Variants in PTPRC observed in about 807,000 individuals in gnomAD.
The protein encoded by PTPRC is receptor-type tyrosine-protein phosphatase C.
A neutral mutation model predicts 155.9 loss-of-function variants in PTPRC; 44 were observed. That is an observed-to-expected ratio of 0.28 (90% CI 0.22 to 0.36). The LOEUF (loss-of-function observed/expected upper bound fraction) is 0.36, where lower values mean the gene tolerates loss of function less well. Ranked by LOEUF, PTPRC falls within the 10% of genes least tolerant of loss-of-function variation. PTPRC has a pLI of 1.00. For missense variants in PTPRC, 1,401 were observed against 1,564.6 expected (o/e 0.90, Z 1.76); for synonymous variants, 525 against 533.1 (o/e 0.98, Z 0.21).
At chr1:198,643,202 G>T (rs1228120826) in intron 2 of PTPRC, among the ~76,000 whole-genome samples, 1 of 151,550 alleles carries the variant, frequency 6.6e-6, no homozygotes, top group Non-Finnish European at 1.5e-5. Context: ...TTGTGATGAT[G>T]ATTGATGATG....
At chr1:198,644,363 A>C (rs1411035939) in intron 2 of PTPRC, among the ~76,000 whole-genome samples, 2 of 151,906 alleles carry the variant, frequency 1.3e-5, no homozygotes, top group East Asian at 3.9e-4. Context: ...AAATATGGCA[A>C]GACTTTAGCA....
At chr1:198,685,307 C>T (rs1445011325) in intron 2 of PTPRC, among the ~76,000 whole-genome samples, 1 of 151,862 alleles carries the variant, frequency 6.6e-6, no homozygotes, top group Non-Finnish European at 1.5e-5. Context: ...TCTTTTAGGT[C>T]CCAGTTTCAT....
At position 198,669,375 on chromosome 1, in the gene PTPRC, T is replaced by C. The variant is rs552703356; in HGVS notation, c.74-22972T>C. 7.5e-4 allele frequency among the ~76,000 whole-genome samples: 115 copies of C among 152,336 alleles called. 1 individual carries two copies. The highest frequency in any genetic ancestry group is 2.7e-3 in the African/African-American group (111 of 41,586). ...AGGCACCCACCTGCACCCAATGTCC[T>C]CCTTTTATGCTTTCTGGCCTCCTTT... is the stretch of plus-strand genomic sequence containing the variant. On this transcript the variant is annotated intron_variant, in intron 2 of 32. Transcript: ENST00000442510.
chr1:198,697,807 G>T (rs563747256), intron 4 of PTPRC, among the ~76,000 whole-genome samples: 1 of 152,274 alleles, frequency 6.6e-6, no homozygotes, highest in East Asian at 1.9e-4. Context: ...CAGAAATTTT[G>T]TTTAGGGTAC....
At chr1:198,691,052 T>G (rs1207287547) in intron 2 of PTPRC, among the ~76,000 whole-genome samples, 1 of 152,086 alleles carries the variant, frequency 6.6e-6, no homozygotes, top group Non-Finnish European at 1.5e-5. Context: ...TGCTACAGTT[T>G]TCCTCTTACT....
intron 2 of PTPRC, among the ~76,000 whole-genome samples, chr1:198,642,899 T>TCTTC (rs776072910): frequency 0.21 from 22,568 of 105,212 alleles, 2,800 homozygotes; most frequent in Middle Eastern, 0.26. Flanking sequence ...TTCTTTTCTT[T>TCTTC]CTTTCTTCCT....
chr1:198,642,398 A>ATCTATCTATCTATCTG (rs1262935141), intron 2 of PTPRC, among the ~76,000 whole-genome samples: 3 of 151,372 alleles, frequency 2.0e-5, no homozygotes, highest in Non-Finnish European at 4.4e-5. Context: ...CTATCTATCT[A>ATCTATCTATCTATCTG]TCAGTTCTCC....
intron 2 of PTPRC, among the ~76,000 whole-genome samples, chr1:198,651,353 C>A (rs1663239646): frequency 6.7e-6 from 1 of 148,996 alleles, no homozygotes; most frequent in East Asian, 2.0e-4. Context: ...TATTTTTAAA[C>A]TGAAATTAAA....
chr1:198,746,338 G>A (rs189703754), intron 26 of PTPRC, among the ~76,000 whole-genome samples: 54 of 151,930 alleles, frequency 3.6e-4, no homozygotes, highest in Middle Eastern at 3.4e-3. Flanking sequence ...CAGGGATCAA[G>A]GAGAACACGT....
At position 198,639,291 on chromosome 1, in the gene PTPRC, A is replaced by C. The variant is rs1571765578; in HGVS notation, c.23A>C (p.Lys8Thr). 6.2e-7 allele frequency: 1 copy of C among 1,613,456 alleles called. No homozygotes were observed. The highest frequency in any genetic ancestry group is 8.5e-7 in the Non-Finnish European group (1 of 1,179,504). ...GATATGACCATGTATTTGTGGCTTA[A>C]ACTCTTGGCATTTGGCTTTGCCTTT... is the stretch of plus-strand genomic sequence containing the variant. MTMYLWL[K>T]LLAFGFAFLD... Residue 8 changes from lysine to threonine, a missense_variant, in exon 2 of 33, where the codon AAA (lysine) becomes ACA (threonine). By Grantham distance (78) the Lys-to-Thr change is moderately conservative. This residue lies in a region of PTPRC where 867 missense variants were observed against 970.4 expected (regional missense o/e 0.89). Coordinates refer to ENST00000442510, the MANE Select transcript of PTPRC (RefSeq NM_002838.5).
chr1:198,709,876 T>C (rs756229598), intron 11 of PTPRC, 52 bp downstream of exon 11: 1 of 1,587,186 alleles, frequency 6.3e-7, no homozygotes, highest in Non-Finnish European at 8.6e-7. Flanking sequence ...CTTCATGTTC[T>C]TATAATTATT....
chr1:198,648,953 G>C (rs1335194387), intron 2 of PTPRC, among the ~76,000 whole-genome samples: 3 of 149,944 alleles, frequency 2.0e-5, no homozygotes, highest in Non-Finnish European at 4.5e-5. Flanking sequence ...GAAGTAACTT[G>C]ACCTTTGTTA....
At chr1:198,716,220 A>C (rs1431700173) in intron 12 of PTPRC, among the ~76,000 whole-genome samples, 1 of 152,178 alleles carries the variant, frequency 6.6e-6, no homozygotes, top group Non-Finnish European at 1.5e-5. Context: ...AATCAACCCA[A>C]TGACTGATGA....
chr1:198,752,139 A>T, intron 29 of PTPRC, 110 bp from the exon 30 acceptor site: 1 of 1,273,436 alleles, frequency 7.9e-7, no homozygotes. Flanking sequence ...AATAATTTTC[A>T]TTTAATAGAA....
intron 2 of PTPRC, among the ~76,000 whole-genome samples, chr1:198,642,904 CTTCCTTTCTTTCTTTCTTTCTTTCTTT>C (rs1662684829): frequency 9.8e-5 from 14 of 143,558 alleles, no homozygotes; most frequent in African/African-American, 2.1e-4. Flanking sequence ...TTCTTTCTTT[CTTCCTTTCTTTCTTTCTTTCTTTCTTT>C]CTTTCTTTCT....
At chr1:198,731,842 G>A in intron 18 of PTPRC, 116 bp downstream of exon 18, 1 of 809,922 alleles carries the variant, frequency 1.2e-6, no homozygotes, top group Non-Finnish European at 2.1e-6. Flanking sequence ...TGCAACATAA[G>A]CAAAGTAGAT....
At chr1:198,653,690 A>G (rs926489336) in intron 2 of PTPRC, among the ~76,000 whole-genome samples, 1 of 151,896 alleles carries the variant, frequency 6.6e-6, no homozygotes, top group Non-Finnish European at 1.5e-5. Flanking sequence ...AATACTTCCC[A>G]TGGATCATCT....
At chr1:198,728,926 T>C (rs1199020998) in intron 16 of PTPRC, among the ~76,000 whole-genome samples, 2 of 152,072 alleles carry the variant, frequency 1.3e-5, no homozygotes, top group African/African-American at 2.4e-5. Context: ...CTCTCCTCTC[T>C]GACTCTGCTT....
At chr1:198,663,088 C>T (rs777277094) in intron 2 of PTPRC, among the ~76,000 whole-genome samples, 9 of 152,256 alleles carry the variant, frequency 5.9e-5, no homozygotes, top group Admixed American at 6.5e-5. Flanking sequence ...AGATTTCTGA[C>T]GAGTCTATGA....
Sources: gnomAD v4.1 joint callset for allele counts (sites outside exome capture counted in the v4.1 genomes callset) on GRCh38, gnomAD v4.1.1 for gene constraint, gnomAD v4.1.1 regional missense constraint, MANE v1.5 for transcripts, NCBI Gene and HGNC (gene_info 2026-07-23, HGNC 2026-07-21) for gene names.